KCNN1: variants seen among roughly 807,000 people sequenced by gnomAD.
The protein encoded by KCNN1 is potassium calcium-activated channel subfamily N member 1.
In KCNN1, 20 loss-of-function variants were observed where a neutral mutation model predicts 44.7. The observed-to-expected ratio is 0.45, with a 90% CI of 0.32 to 0.65. The LOEUF (loss-of-function observed/expected upper bound fraction) is 0.65. Among genes scored for constraint, KCNN1 ranks in the 30% least tolerant of loss-of-function variants. The pLI is 0.05. For missense variants in KCNN1, 632 were observed against 785.3 expected, an observed-to-expected ratio of 0.80 and a Z score of 2.33; for synonymous variants, 324 against 341.7, an observed-to-expected ratio of 0.95 and a Z score of 0.57.
At chr19:17,996,481 C>CTT (rs2032997444) in intron 9 of KCNN1, among the ~76,000 whole-genome samples, 1 of 152,116 alleles carries the variant, frequency 6.6e-6, no homozygotes, top group Admixed American at 6.6e-5. Context: ...TAGCGGGCAC[C>CTT]TGTAATCTCA....
At chr19:17,975,326 GAC>G (rs971674700) in intron 3 of KCNN1, 139 bp downstream of exon 3, 9 of 599,600 alleles carry the variant, frequency 1.5e-5, no homozygotes, top group African/African-American at 9.3e-5. Flanking sequence ...TCTCCATAAA[GAC>G]ACACAGTTTC....
chr19:17,964,629 G>A (rs1369362348), upstream of KCNN1, among the ~76,000 whole-genome samples: 1 of 152,186 alleles, frequency 6.6e-6, no homozygotes, highest in Non-Finnish European at 1.5e-5. The surrounding 1 kb of genome is among the most constrained non-coding windows in gnomAD (Gnocchi z 4.3). Context: ...CTGGAACGGA[G>A]ACCCAGACAG....
At chr19:17,990,514 A>C (rs1269009941) in intron 7 of KCNN1, among the ~76,000 whole-genome samples, 2 of 151,332 alleles carry the variant, frequency 1.3e-5, no homozygotes, top group African/African-American at 4.9e-5. Flanking sequence ...GAAAAAGAAA[A>C]AAAAGGCCGG....
rs2032162045 is a variant in KCNN1, at chr19:17,975,082, TC to T, written c.403-9del. The T allele has an allele frequency of 6.2e-7, 1 of 1,610,778 alleles. No individual in the cohort carries two copies. Among genetic ancestry groups the T allele is most frequent in the African/African-American group, 1.3e-5 (1 of 74,790 alleles). ...AGCGTCCATCTGGCTGTGTCCTCTC[TC>T]TTTACCAGGAGTCTCTGTACTCATT... is the stretch of plus-strand genomic sequence containing the variant. On this transcript the variant is annotated splice_polypyrimidine_tract_variant and intron_variant, in intron 2 of 9. Transcript: ENST00000684775.
chr19:17,962,811 G>C (rs1483660444), upstream of KCNN1, among the ~76,000 whole-genome samples: 6 of 150,390 alleles, frequency 4.0e-5, no homozygotes, highest in African/African-American at 1.5e-4. Context: ...GGGTTCAAGC[G>C]ATCTTCTGCC....
chr19:17,989,803 G>A lies in KCNN1; in HGVS notation c.1258G>A (p.Val420Ile). The A allele has an allele frequency of 6.2e-7, 1 of 1,613,964 alleles. No individual in the cohort carries two copies. Among genetic ancestry groups the A allele is most frequent in the Non-Finnish European group, 8.5e-7 (1 of 1,179,880 alleles). The part of the protein sequence containing the change: ...RLVKKPDQAR[V>I]RKHQRKFLQA... The stretch of plus-strand genomic sequence containing the variant: ...GGTGAAGAAGCCAGACCAAGCCCGG[G>A]TTCGGAAACACCAGCGTAAGTTCCT... The change falls in exon 7 of 10, where the codon GTT becomes ATT. Residue 420 changes from valine to isoleucine, a missense_variant. Physicochemically the swap from Val to Ile is conservative, Grantham distance 29. This residue lies in a region of KCNN1 where 237 missense variants were observed against 253.0 expected (regional missense o/e 0.94). Coordinates refer to ENST00000684775, the MANE Select transcript of KCNN1 (RefSeq NM_001386974.1).
At chr19:17,969,257 A>T (rs1412620046) in intron 1 of KCNN1, among the ~76,000 whole-genome samples, 1 of 151,990 alleles carries the variant, frequency 6.6e-6, no homozygotes, top group Non-Finnish European at 1.5e-5. Context: ...CAGAAAGCAG[A>T]CCCTGCCACC....
At chr19:17,970,783 T>C (rs1157536675) in intron 1 of KCNN1, among the ~76,000 whole-genome samples, 1 of 152,112 alleles carries the variant, frequency 6.6e-6, no homozygotes, top group South Asian at 2.1e-4. Flanking sequence ...AGACACATCG[T>C]GAGGGACAGA....
In KCNN1 at chr19:17,990,662, T is replaced by C. The variant is rs369215631; in HGVS notation, c.1298+819T>C. Among the ~76,000 whole-genome samples the C allele has an allele frequency of 2.8e-4, 42 of 150,802 alleles. No individual in the cohort carries two copies. In the East Asian group the frequency reaches 6.0e-3, roughly 22 times the overall value. On this transcript the variant is annotated intron_variant, in intron 7 of 9. Transcript: ENST00000684775. ...AAAAATACAAAAAATTAGCCGGGCGTGGTGGCGGACGCCTGTAGTCCCAGC... is the reference window on the plus strand; with the variant it reads ...AAAAATACAAAAAATTAGCCGGGCGCGGTGGCGGACGCCTGTAGTCCCAGC...
At chr19:17,962,818 T>A (rs1181613663), upstream of KCNN1, among the ~76,000 whole-genome samples, 5 of 150,514 alleles carry the variant, frequency 3.3e-5, no homozygotes, top group South Asian at 1.1e-3. Flanking sequence ...AGCGATCTTC[T>A]GCCTCAGCCT....
intron 5 of KCNN1, among the ~76,000 whole-genome samples, chr19:17,985,715 A>G (rs2032572942): frequency 6.6e-6 from 1 of 152,140 alleles, no homozygotes; most frequent in Non-Finnish European, 1.5e-5. Context: ...ATGCCTGCCC[A>G]GTAAGAAGCT....
chr19:17,979,560 C>T (rs905558102), intron 3 of KCNN1, among the ~76,000 whole-genome samples: 1 of 151,736 alleles, frequency 6.6e-6, no homozygotes, highest in East Asian at 1.9e-4. Flanking sequence ...GGCTGCATTC[C>T]TGATGATACC....
chr19:17,993,698 C>A lies in KCNN1; in HGVS notation c.1377+139C>A. On this transcript the variant is annotated intron_variant, in intron 9 of 9. Coordinates refer to ENST00000684775, the MANE Select transcript of KCNN1 (RefSeq NM_001386974.1). This position sits in a 1 kb window ranked among gnomAD's most constrained non-coding sequence, Gnocchi z 4.5. Reference sequence around the variant, plus strand: ...CAGTGGCGGGCGGATCGCTTGAGCTCAGGAGTTTGAGACCAGCCTGGGCAA... The same window carrying A: ...CAGTGGCGGGCGGATCGCTTGAGCTAAGGAGTTTGAGACCAGCCTGGGCAA... 1.4e-6 allele frequency: 1 copy of A among 697,376 alleles called. No individual in the cohort carries two copies. Among genetic ancestry groups the A allele is most frequent in the South Asian group, 1.6e-5 (1 of 61,762 alleles). 43.2% of individuals were successfully genotyped at this position (697,376 alleles called of 1,614,324 possible). A position where few individuals can be genotyped will look rare whatever the true frequency, so the allele number is the denominator to read the frequency against.
chr19:17,970,212 T>C (rs929930605), intron 1 of KCNN1, among the ~76,000 whole-genome samples: 2 of 149,848 alleles, frequency 1.3e-5, no homozygotes, highest in African/African-American at 4.9e-5. Context: ...CACAGCCTGA[T>C]TGATGTGATG....
At chr19:17,978,950 C>G (rs986739741) in intron 3 of KCNN1, among the ~76,000 whole-genome samples, 1 of 151,580 alleles carries the variant, frequency 6.6e-6, no homozygotes, top group African/African-American at 2.4e-5. Flanking sequence ...GTTCCAGCTA[C>G]TTGGGAGGTT....
chr19:17,968,187 GC>G (rs1204694749), intron 1 of KCNN1, among the ~76,000 whole-genome samples: 2 of 152,058 alleles, frequency 1.3e-5, no homozygotes, highest in Non-Finnish European at 2.9e-5. Flanking sequence ...CCCACAACAG[GC>G]CCACATGTCC....
intron 7 of KCNN1, among the ~76,000 whole-genome samples, chr19:17,991,899 T>C (rs1388029355): frequency 1.3e-5 from 2 of 152,092 alleles, no homozygotes; most frequent in Non-Finnish European, 2.9e-5. Context: ...AAAGAAACCT[T>C]ATTTTCCAAG....
chr19:17,963,623 TTTCTC>T (rs1182314607), upstream of KCNN1, among the ~76,000 whole-genome samples: 7 of 152,276 alleles, frequency 4.6e-5, no homozygotes, highest in East Asian at 5.8e-4. Context: ...GCTCAAATGA[TTTCTC>T]TTCTAAGAGA....
chr19:17,996,474 C>T (rs1175388031), intron 9 of KCNN1, among the ~76,000 whole-genome samples: 1 of 151,984 alleles, frequency 6.6e-6, no homozygotes, highest in African/African-American at 2.4e-5. Context: ...GGTGTGGTAG[C>T]GGGCACCTGT....
Sources: allele counts gnomAD v4.1 joint callset (sites outside exome capture counted in the v4.1 genomes callset), GRCh38; gene constraint gnomAD v4.1.1; regional missense constraint gnomAD v4.1.1; non-coding constraint Gnocchi (gnomAD v3.1); transcripts MANE v1.5; gene names NCBI Gene and HGNC (gene_info 2026-07-23, HGNC 2026-07-21).